Variants in LPAR3 observed in about 807,000 individuals in gnomAD.
LPAR3 encodes LPA receptor 3.
LPAR3 carries 7 observed loss-of-function variants against 17.8 expected under a neutral mutation model. That is an observed-to-expected ratio of 0.39 (90% CI 0.22 to 0.74). The LOEUF (loss-of-function observed/expected upper bound fraction) is 0.74. Among genes scored for constraint, LPAR3 ranks in the 30% least tolerant of loss-of-function variants. The probability of loss-of-function intolerance (pLI) is 0.40; values close to 1 mark genes in which losing one functional copy is unlikely to be tolerated. For synonymous variants in LPAR3, 179 were observed against 179.9 expected (o/e 0.99, Z 0.04); for missense variants, 391 against 453.4 (o/e 0.86, Z 1.25).
chr1:84,878,333 T>A (rs529277375), intron 1 of LPAR3, among the ~76,000 whole-genome samples: 17 of 152,298 alleles, frequency 1.1e-4, no homozygotes, highest in African/African-American at 3.6e-4. Flanking sequence ...TTTTTCCCAA[T>A]CTCCTCAGTA....
At chr1:84,819,990 T>C (rs1173475088) in intron 2 of LPAR3, among the ~76,000 whole-genome samples, 1 of 152,226 alleles carries the variant, frequency 6.6e-6, no homozygotes, top group Non-Finnish European at 1.5e-5. Context: ...CTGAGAACTC[T>C]GGGTCAGGCA....
intron 2 of LPAR3, among the ~76,000 whole-genome samples, chr1:84,830,111 C>T (rs1659252940): frequency 6.6e-6 from 1 of 152,184 alleles, no homozygotes; most frequent in African/African-American, 2.4e-5. Flanking sequence ...GGACCCTATG[C>T]AATTCCCAGG....
chr1:84,853,588 TCTC>T (rs900062580), intron 2 of LPAR3, among the ~76,000 whole-genome samples: 1 of 152,102 alleles, frequency 6.6e-6, no homozygotes, highest in African/African-American at 2.4e-5. Context: ...CTGCTTCTCT[TCTC>T]CTCCCCTGCA....
chr1:84,821,453 A>AT, intron 2 of LPAR3, among the ~76,000 whole-genome samples: 2 of 152,260 alleles, frequency 1.3e-5, no homozygotes, highest in South Asian at 4.2e-4. Context: ...TTTAGAGTAA[A>AT]TTTTTATCTA....
intron 1 of LPAR3, among the ~76,000 whole-genome samples, chr1:84,872,227 C>T (rs915350903): frequency 2.0e-5 from 3 of 152,178 alleles, no homozygotes; most frequent in Non-Finnish European, 2.9e-5. Context: ...TGTCTACATG[C>T]TCCCTAACCT....
At chr1:84,839,306 G>C (rs1659463835) in intron 2 of LPAR3, among the ~76,000 whole-genome samples, 1 of 152,202 alleles carries the variant, frequency 6.6e-6, no homozygotes, top group African/African-American at 2.4e-5. Flanking sequence ...ACCACAGACT[G>C]TAGGTTCTTA....
At chr1:84,884,580 T>C (rs887970539) in intron 1 of LPAR3, among the ~76,000 whole-genome samples, 1 of 152,216 alleles carries the variant, frequency 6.6e-6, no homozygotes, top group Non-Finnish European at 1.5e-5. Context: ...TTAGTCAGTT[T>C]GCCTGTTTCA....
At chr1:84,866,393 C>G (rs748775431) in intron 1 of LPAR3, among the ~76,000 whole-genome samples, 74 of 152,148 alleles carry the variant, frequency 4.9e-4, no homozygotes, top group Admixed American at 1.6e-3. Flanking sequence ...CTATTTTGTT[C>G]ACCATTACAA....
chr1:84,821,346 A>G (rs1255301555), intron 2 of LPAR3, among the ~76,000 whole-genome samples: 1 of 152,046 alleles, frequency 6.6e-6, no homozygotes, highest in Non-Finnish European at 1.5e-5. Context: ...CCTCTGAGGG[A>G]CTCTTGGCAA....
chr1:84,843,464 A>C (rs1242465237), intron 2 of LPAR3, among the ~76,000 whole-genome samples: 1 of 152,246 alleles, frequency 6.6e-6, no homozygotes, highest in East Asian at 1.9e-4. Context: ...CAGCAGAAGA[A>C]GGACTTGCCA....
At chr1:84,835,881 T>C (rs1006336657) in intron 2 of LPAR3, among the ~76,000 whole-genome samples, 1 of 152,102 alleles carries the variant, frequency 6.6e-6, no homozygotes, top group Non-Finnish European at 1.5e-5. Context: ...TGGACATCCA[T>C]ATACTACATA....
intron 2 of LPAR3, among the ~76,000 whole-genome samples, chr1:84,851,140 A>T (rs1289135221): frequency 6.6e-6 from 1 of 152,236 alleles, no homozygotes; most frequent in African/African-American, 2.4e-5. Context: ...AGTATGTATA[A>T]ATGCCTGGCA....
At position 84,813,158 on chromosome 1, in the gene LPAR3, T is replaced by TAGAGAG. The variant is rs1553145910; in HGVS notation, c.*687_*688insCTCTCT. ...ATATATATATATATATATATATATATAGACACACACACACACACACACACA... is the reference window on the plus strand; with the variant it reads ...ATATATATATATATATATATATATATAGAGAGAGACACACACACACACACACACACA... On this transcript the variant is annotated 3_prime_UTR_variant, in exon 3 of 3. Transcript: ENST00000370611. 9.8e-6 allele frequency: 1 copy of TAGAGAG among 101,680 alleles called. No homozygotes were observed. Among genetic ancestry groups the TAGAGAG allele is most frequent in the East Asian group, 2.7e-4 (1 of 3,684 alleles). 6.3% of individuals were successfully genotyped at this position (101,680 alleles called of 1,614,324 possible).
chr1:84,872,826 A>G (rs12032842), intron 1 of LPAR3, among the ~76,000 whole-genome samples: 70,344 of 151,908 alleles, frequency 0.46, 16,384 homozygotes, highest in South Asian at 0.54. Flanking sequence ...GACAAACACT[A>G]CTTCAGCCAG....
At chr1:84,846,808 G>A (rs1047176513) in intron 2 of LPAR3, among the ~76,000 whole-genome samples, 1 of 151,928 alleles carries the variant, frequency 6.6e-6, no homozygotes, top group Non-Finnish European at 1.5e-5. Flanking sequence ...ATAACTAGAA[G>A]AACAAGACAA....
intron 2 of LPAR3, among the ~76,000 whole-genome samples, chr1:84,826,390 C>A (rs1383813928): frequency 6.6e-6 from 1 of 151,840 alleles, no homozygotes; most frequent in Non-Finnish European, 1.5e-5. Flanking sequence ...TCCTTTCTAG[C>A]TGACATTTTC....
At chr1:84,843,501 T>C (rs1570876560) in intron 2 of LPAR3, among the ~76,000 whole-genome samples, 1 of 152,228 alleles carries the variant, frequency 6.6e-6, no homozygotes, top group East Asian at 1.9e-4. Context: ...GGTCTAGACT[T>C]TTCCAAGCTG....
At chr1:84,831,008 G>T (rs1028401644) in intron 2 of LPAR3, among the ~76,000 whole-genome samples, 2 of 152,126 alleles carry the variant, frequency 1.3e-5, no homozygotes, top group African/African-American at 2.4e-5. Flanking sequence ...GGGCACTTAG[G>T]AAAGCCTATT....
chr1:84,887,839 G>GA (rs1441785410), intron 1 of LPAR3, among the ~76,000 whole-genome samples: 1 of 152,154 alleles, frequency 6.6e-6, no homozygotes, highest in Non-Finnish European at 1.5e-5. Flanking sequence ...TAGGAACAGG[G>GA]AAAGTCTGAG....
Sources: gnomAD v4.1 joint callset for allele counts (sites outside exome capture counted in the v4.1 genomes callset) on GRCh38, gnomAD v4.1.1 for gene constraint, MANE v1.5 for transcripts, NCBI Gene and HGNC (gene_info 2026-07-23, HGNC 2026-07-21) for gene names.